Variants in ABLIM2 observed in about 807,000 individuals in gnomAD.
The protein encoded by ABLIM2 is actin binding LIM protein family member 2.
In ABLIM2, 53 loss-of-function variants were observed where a neutral mutation model predicts 97.7. The observed-to-expected ratio is 0.54, with a 90% CI of 0.44 to 0.68. ABLIM2 has a LOEUF of 0.68. ABLIM2 is among the 30% of genes least tolerant of loss of function. ABLIM2 has a pLI of 0.00. For missense variants in ABLIM2, 835 were observed against 867.2 expected, an observed-to-expected ratio of 0.96 and a Z score of 0.47; for synonymous variants, 361 against 345.8, an observed-to-expected ratio of 1.04 and a Z score of -0.49.
chr4:8,100,628 C>A (rs998093137), intron 2 of ABLIM2, among the ~76,000 whole-genome samples: 2 of 151,780 alleles, frequency 1.3e-5, no homozygotes, highest in African/African-American at 4.8e-5. Flanking sequence ...TGCCTATAAT[C>A]CCAGCTACTC....
Position 8,071,183 on chromosome 4 carries a change from A to T in ABLIM2, c.675+6445T>A, listed in dbSNP as rs1811777067. Among the ~76,000 whole-genome samples the T allele has an allele frequency of 6.6e-6, 1 of 152,120 alleles. No homozygotes were observed. The highest frequency in any genetic ancestry group is 1.5e-5 in the Non-Finnish European group (1 of 68,016). ...TGTGGGGGCAGCGCCATCCGTCCCC[A>T]GCAGCTGGCTCTGCCACAGTTGCTG... On this transcript the variant is annotated intron_variant, in intron 6 of 20. Coordinates refer to ENST00000447017, the MANE Select transcript of ABLIM2 (RefSeq NM_001130083.2). This position sits in a 1 kb window ranked among gnomAD's most constrained non-coding sequence, Gnocchi z 6.2.
rs1820417706 is a variant in ABLIM2 at position 8,082,275 on chromosome 4, G to A, written c.455-1473C>T. Among the ~76,000 whole-genome samples, 1 of 152,332 alleles carries A rather than the reference G, an allele frequency of 6.6e-6. No individual in the cohort carries two copies. Among genetic ancestry groups the A allele is most frequent in the South Asian group, 2.1e-4 (1 of 4,828 alleles). Reference sequence around the variant, plus strand: ...GGGTACAAATCCTGGCCCCCACTATGCGCTGGGTCACACTGAGCGTATTCC... The same window carrying A: ...GGGTACAAATCCTGGCCCCCACTATACGCTGGGTCACACTGAGCGTATTCC... On this transcript the variant is annotated intron_variant, in intron 4 of 20. Coordinates refer to ENST00000447017, the MANE Select transcript of ABLIM2 (RefSeq NM_001130083.2). This position sits in a 1 kb window ranked among gnomAD's most constrained non-coding sequence, Gnocchi z 5.6.
At chr4:8,142,411 A>C (rs530786231) in intron 1 of ABLIM2, among the ~76,000 whole-genome samples, 1 of 151,748 alleles carries the variant, frequency 6.6e-6, no homozygotes, top group African/African-American at 2.4e-5. Context: ...CATTACGATG[A>C]CTCTCCACCT....
At position 8,043,294 on chromosome 4, in the gene ABLIM2, T is replaced by C. The variant is rs946102356; in HGVS notation, c.900+1870A>G. Among the ~76,000 whole-genome samples, 3 of 152,226 alleles carry C rather than the reference T, an allele frequency of 2.0e-5. No individual in the cohort carries two copies. Among genetic ancestry groups the C allele is most frequent in the African/African-American group, 7.2e-5 (3 of 41,466 alleles). ...TGTCTCTCGTTATAGGAGTGTCAGC[T>C]GTGACCCTTTCAATGGGTGAGGAAA... On this transcript the variant is annotated intron_variant, in intron 9 of 20. Transcript: ENST00000447017. This position sits in a 1 kb window ranked among gnomAD's most constrained non-coding sequence, Gnocchi z 4.8.
chr4:8,094,982 TTCTC>T (rs755133423), intron 3 of ABLIM2, among the ~76,000 whole-genome samples: 1 of 133,630 alleles, frequency 7.5e-6, no homozygotes, highest in Non-Finnish European at 1.6e-5. Flanking sequence ...CTCCCTTTCT[TTCTC>T]TTTCTTTTCC....
At chr4:8,100,934 G>T (rs1834268117) in intron 2 of ABLIM2, among the ~76,000 whole-genome samples, 2 of 152,132 alleles carry the variant, frequency 1.3e-5, no homozygotes, top group African/African-American at 4.8e-5. Flanking sequence ...TCTGCATGGT[G>T]AGGAAAGTGC....
chr4:8,017,189 G>A (rs1442908610), intron 14 of ABLIM2, among the ~76,000 whole-genome samples: 1 of 152,174 alleles, frequency 6.6e-6, no homozygotes, highest in African/African-American at 2.4e-5. Flanking sequence ...CCTCCTCCCA[G>A]GCCCTCATAC....
In ABLIM2 at chr4:8,033,683, C is replaced by T. The variant is rs1232373578; in HGVS notation, c.1047+2466G>A. On this transcript the variant is annotated intron_variant, in intron 10 of 20. Coordinates refer to ENST00000447017, the MANE Select transcript of ABLIM2 (RefSeq NM_001130083.2). The surrounding 1 kb of genome is among the most constrained non-coding windows in gnomAD (Gnocchi z 4.5). ...CCGAGCCACAGTCCCTCCCTTCCTG[C>T]CCCTTCTCTGCCCTCTGGGGACAGG... Among the ~76,000 whole-genome samples the T allele has an allele frequency of 6.6e-6, 1 of 152,250 alleles. No individual in the cohort carries two copies. The highest frequency in any genetic ancestry group is 1.5e-5 in the Non-Finnish European group (1 of 68,034).
At chr4:7,974,115 G>A (rs1158045974) in intron 20 of ABLIM2, among the ~76,000 whole-genome samples, 1 of 152,150 alleles carries the variant, frequency 6.6e-6, no homozygotes, top group African/African-American at 2.4e-5. Flanking sequence ...GCACAATTGT[G>A]TGGGCCAAGT....
intron 1 of ABLIM2, among the ~76,000 whole-genome samples, chr4:8,138,196 C>T (rs1850446662): frequency 6.6e-6 from 1 of 151,866 alleles, no homozygotes; most frequent in African/African-American, 2.4e-5. Context: ...GGGGACAGAA[C>T]CTCAGTTGAG....
chr4:8,105,505 T>C (rs1000179592), intron 2 of ABLIM2, among the ~76,000 whole-genome samples: 4 of 152,242 alleles, frequency 2.6e-5, no homozygotes, highest in African/African-American at 9.6e-5. Context: ...GTGCAACGCC[T>C]GATGAAAATC....
chr4:8,023,530 C>T lies in ABLIM2; in HGVS notation c.1268-3227G>A, dbSNP rs1301981544. ...GCTGTCAGCAGAGCGGATCACTGGC[C>T]GTGGCGGCCTTGCTGACCGGGTCAT... On this transcript the variant is annotated intron_variant, in intron 12 of 20. Coordinates refer to ENST00000447017, the MANE Select transcript of ABLIM2 (RefSeq NM_001130083.2). The surrounding 1 kb of genome is among the most constrained non-coding windows in gnomAD (Gnocchi z 5.7). Among the ~76,000 whole-genome samples, 5 of 152,218 alleles carry T rather than the reference C, an allele frequency of 3.3e-5. No homozygotes were observed. The highest frequency in any genetic ancestry group is 1.2e-4 in the African/African-American group (5 of 41,470).
intron 14 of ABLIM2, among the ~76,000 whole-genome samples, chr4:8,011,630 G>T (rs1221604381): frequency 6.6e-6 from 1 of 152,230 alleles, no homozygotes; most frequent in Non-Finnish European, 1.5e-5. Context: ...CTAACTTTGA[G>T]GCTAATTTGC....
At chr4:8,097,077 G>A (rs1415615669) in intron 3 of ABLIM2, 22 bp downstream of exon 3, 5 of 1,589,700 alleles carry the variant, frequency 3.1e-6, no homozygotes, top group Admixed American at 1.7e-5. Flanking sequence ...GGGAAGCAGA[G>A]GCCAGGTGCC....
chr4:8,029,283 C>T (rs547528914), intron 11 of ABLIM2, among the ~76,000 whole-genome samples: 7 of 152,188 alleles, frequency 4.6e-5, no homozygotes, highest in South Asian at 2.1e-4. Context: ...AGCTTGCAGC[C>T]GGCCAACGTC....
intron 6 of ABLIM2, among the ~76,000 whole-genome samples, chr4:8,070,078 ATC>A (rs1156288567): frequency 2.7e-5 from 4 of 149,800 alleles, no homozygotes; most frequent in South Asian, 4.3e-4. Context: ...TGTCTGTGTC[ATC>A]TGTGTCTTTC....
intron 16 of ABLIM2, chr4:7,994,034 G>T: frequency 2.2e-6 from 1 of 462,228 alleles, no homozygotes; most frequent in South Asian, 1.5e-5. Flanking sequence ...AAGGGGCAGA[G>T]CCTGGACCCT....
At chr4:7,989,068 T>C (rs1444398906) in intron 17 of ABLIM2, among the ~76,000 whole-genome samples, 1 of 146,332 alleles carries the variant, frequency 6.8e-6, no homozygotes, top group Non-Finnish European at 1.5e-5. Context: ...CTAGACACAT[T>C]AGTCTTTTTT....
rs1715118599 is a variant in ABLIM2, at chr4:8,155,805, G to A, written c.10+2875C>T. 6.6e-6 allele frequency among the ~76,000 whole-genome samples: 1 copy of A among 151,822 alleles called. No individual in the cohort carries two copies. Among genetic ancestry groups the A allele is most frequent in the Non-Finnish European group, 1.5e-5 (1 of 67,878 alleles). On this transcript the variant is annotated intron_variant, in intron 1 of 20. Transcript: ENST00000447017. This position sits in a 1 kb window ranked among gnomAD's most constrained non-coding sequence, Gnocchi z 4.2. ...CACACACAAAGGGAAGACGGGGCGA[G>A]GACACAGACACACACAAAGGGAAGA...
Sources: gnomAD v4.1 joint callset for allele counts (sites outside exome capture counted in the v4.1 genomes callset) on GRCh38, gnomAD v4.1.1 for gene constraint, Gnocchi (gnomAD v3.1) non-coding constraint, MANE v1.5 for transcripts, NCBI Gene and HGNC (gene_info 2026-07-23, HGNC 2026-07-21) for gene names.